The following CSMD3 variants were observed in gnomAD, a reference collection of about 807,000 sequenced individuals.
CSMD3 encodes the protein CUB and Sushi multiple domains 3, also known as CUB and sushi domain-containing protein 3.
A neutral mutation model predicts 435.2 loss-of-function variants in CSMD3; 177 were observed. That is an observed-to-expected ratio of 0.41 (90% confidence interval 0.36 to 0.46). The LOEUF (loss-of-function observed/expected upper bound fraction) is 0.46, where lower values mean the gene tolerates loss of function less well. CSMD3 is among the 20% of genes least tolerant of loss of function. The pLI is 0.34. For missense variants in CSMD3, 4,265 were observed against 4,504.6 expected (o/e 0.95, Z 1.52); for synonymous variants, 1,656 against 1,520.5 (o/e 1.09, Z -2.07).
chr8:112,299,412 T>C (rs1033234530), intron 53 of CSMD3, among the ~76,000 whole-genome samples: 1 of 152,146 alleles, frequency 6.6e-6, no homozygotes, highest in African/African-American at 2.4e-5. Context: ...ATGGTATGCA[T>C]GCTTAATATT....
chr8:112,892,350 A>C (rs1438929765), intron 10 of CSMD3, among the ~76,000 whole-genome samples: 3 of 151,694 alleles, frequency 2.0e-5, no homozygotes, highest in African/African-American at 7.2e-5. Flanking sequence ...TTTTAATTCC[A>C]ACTTTGCTAT....
Position 112,336,756 on chromosome 8 carries a change from G to C in CSMD3, c.6915C>G (p.Asn2305Lys), listed in dbSNP as rs1360197945. 4 of 1,613,004 alleles carry C rather than the reference G, an allele frequency of 2.5e-6. No individual in the cohort carries two copies. The African/African-American group carries it at 4.0e-5, about 16-fold the overall frequency. ...TTACAAGCCAAAAACAATCTTGAAA[G>C]TTTGGATATTCATCAGGATACCCAG... Reference protein sequence around the residue: ...YSPGYPDEYPNFQDCFWLVRV... With the variant: ...YSPGYPDEYPKFQDCFWLVRV... The change falls in exon 44 of 71, where the codon AAC becomes AAG. Residue 2305 changes from asparagine (N) to lysine (K), a missense_variant. By Grantham distance (94) the Asn-to-Lys change is moderately conservative. This residue lies in a region of CSMD3 where 3,255 missense variants were observed against 3,380.2 expected (regional missense o/e 0.96). Coordinates refer to ENST00000297405, the MANE Select transcript of CSMD3 (RefSeq NM_198123.2).
chr8:112,587,275 T>C (rs755030484), intron 22 of CSMD3, 40 bp from the exon 23 acceptor site: 52 of 1,424,790 alleles, frequency 3.6e-5, no homozygotes, highest in Middle Eastern at 3.8e-4. Flanking sequence ...GTTTAATAGA[T>C]AGCAGTATCA....
At position 113,215,536 on chromosome 8, in the gene CSMD3, A is replaced by C. The variant is rs182382960; in HGVS notation, c.515-41620T>G. The stretch of plus-strand genomic sequence containing the variant: ...TTATCTTCTAAATGGATATTCAACC[A>C]AAGGTAAAATAATTTCAGACAGACT... On this transcript the variant is annotated intron_variant, in intron 3 of 70. Transcript: ENST00000297405. 3.7e-3 allele frequency among the ~76,000 whole-genome samples: 565 copies of C among 152,024 alleles called. 2 individuals carry two copies. Among genetic ancestry groups the C allele is most frequent in the African/African-American group, 0.013 (542 of 41,564 alleles).
At chr8:112,581,239 G>A (rs1452214938) in intron 23 of CSMD3, among the ~76,000 whole-genome samples, 4 of 152,120 alleles carry the variant, frequency 2.6e-5, no homozygotes, top group African/African-American at 9.6e-5. Flanking sequence ...ATAATTGTGT[G>A]ACTATTAAGT....
At chr8:112,360,811 G>A (rs545837982) in intron 38 of CSMD3, among the ~76,000 whole-genome samples, 123 of 151,962 alleles carry the variant, frequency 8.1e-4, no homozygotes, top group Non-Finnish European at 1.4e-3. Flanking sequence ...ATTTGTGTTA[G>A]GGAAGAAAAT....
rs202014293 is a variant in CSMD3, at chr8:112,411,107, GA to G, written c.5396-2076del. 5.4e-3 allele frequency among the ~76,000 whole-genome samples: 685 copies of G among 126,368 alleles called. 6 individuals are homozygous for G. Among genetic ancestry groups the G allele is most frequent in the African/African-American group, 0.019 (661 of 34,864 alleles). 82.9% of individuals were successfully genotyped at this position (126,368 alleles called of 152,430 possible). ...TCCAAGAGCTTTTTCTGAGGAAAAAGAAAAAAAAATTCATCTTTTTTTTTTT... is the reference window on the plus strand; with the variant it reads ...TCCAAGAGCTTTTTCTGAGGAAAAAGAAAAAAAATTCATCTTTTTTTTTTT... On this transcript the variant is annotated intron_variant, in intron 32 of 70. Coordinates refer to ENST00000297405, the MANE Select transcript of CSMD3 (RefSeq NM_198123.2).
At chr8:112,276,539 C>T (rs1016769591) in intron 59 of CSMD3, among the ~76,000 whole-genome samples, 3 of 152,026 alleles carry the variant, frequency 2.0e-5, no homozygotes, top group African/African-American at 7.2e-5. Flanking sequence ...CATCACAGGC[C>T]TGGAAGTCTA....
At chr8:113,057,400 A>G (rs2088390224) in intron 5 of CSMD3, among the ~76,000 whole-genome samples, 1 of 152,152 alleles carries the variant, frequency 6.6e-6, no homozygotes. Flanking sequence ...GTATCAATTT[A>G]TCTTTAAGAA....
chr8:113,205,749 A>G lies in CSMD3; in HGVS notation c.515-31833T>C, dbSNP rs73346390. ...TCTATAACCTCCCTCCTGTAAGGAA[A>G]CACAGATGAAACAACTACATACATT... is the stretch of plus-strand genomic sequence containing the variant. On this transcript the variant is annotated intron_variant, in intron 3 of 70. Coordinates refer to ENST00000297405, the MANE Select transcript of CSMD3 (RefSeq NM_198123.2). Among the ~76,000 whole-genome samples, 439 of 152,324 alleles carry G rather than the reference A, an allele frequency of 2.9e-3. 2 individuals carry two copies. The highest frequency in any genetic ancestry group is 9.7e-3 in the African/African-American group (404 of 41,576).
At chr8:112,426,251 A>T (rs1813057891) in intron 32 of CSMD3, among the ~76,000 whole-genome samples, 2 of 152,066 alleles carry the variant, frequency 1.3e-5, no homozygotes, top group African/African-American at 4.8e-5. Context: ...GGGGGTGGGG[A>T]GTGAGGGTGA....
chr8:113,169,723 T>A (rs537930514), intron 4 of CSMD3, among the ~76,000 whole-genome samples: 1 of 152,268 alleles, frequency 6.6e-6, no homozygotes, highest in South Asian at 2.1e-4. Flanking sequence ...AAAATATAAT[T>A]ATGAATTTTG....
At position 112,535,341 on chromosome 8, in the gene CSMD3, G is replaced by A. The variant is rs554510327; in HGVS notation, c.4564+15330C>T. ...GGCAAAGTCTCAGGATACAAAATCA[G>A]TGTACAAAAATCACGAGCATTCTTA... is the stretch of plus-strand genomic sequence containing the variant. On this transcript the variant is annotated intron_variant, in intron 27 of 70. Coordinates refer to ENST00000297405, the MANE Select transcript of CSMD3 (RefSeq NM_198123.2). Among the ~76,000 whole-genome samples, 15 of 152,168 alleles carry A rather than the reference G, an allele frequency of 9.9e-5. No homozygotes were observed. In the South Asian group the frequency reaches 1.2e-3, roughly 13 times the overall value.
At chr8:113,062,576 CA>C (rs1198535449) in intron 5 of CSMD3, among the ~76,000 whole-genome samples, 21 of 151,876 alleles carry the variant, frequency 1.4e-4, no homozygotes, top group South Asian at 8.3e-4. Flanking sequence ...TATTAAAAAG[CA>C]GTTGAATAGG....
chr8:112,922,229 T>A (rs1470309222), intron 9 of CSMD3, among the ~76,000 whole-genome samples: 3 of 152,062 alleles, frequency 2.0e-5, no homozygotes, highest in East Asian at 1.9e-4. Flanking sequence ...AAAAATATTT[T>A]AAATTTTTGT....
intron 10 of CSMD3, among the ~76,000 whole-genome samples, chr8:112,876,553 A>G (rs2081287220): frequency 6.6e-6 from 1 of 152,166 alleles, no homozygotes; most frequent in African/African-American, 2.4e-5. Flanking sequence ...ACCATAATCC[A>G]TCACATAAAG....
At chr8:113,248,404 TAGAG>T (rs201132504) in intron 3 of CSMD3, among the ~76,000 whole-genome samples, 4,239 of 147,940 alleles carry the variant, frequency 0.029, 84 homozygotes, top group Admixed American at 0.04. Context: ...ATAGAGATTA[TAGAG>T]ATTCTATTAT....
At chr8:113,299,339 T>C (rs920129703) in intron 2 of CSMD3, among the ~76,000 whole-genome samples, 4 of 152,176 alleles carry the variant, frequency 2.6e-5, no homozygotes, top group Non-Finnish European at 5.9e-5. Context: ...GAAAAATATG[T>C]GTAGAATAGC....
rs79669218 is a variant in CSMD3, at chr8:113,169,826, T to C, written c.709+3896A>G. On this transcript the variant is annotated intron_variant, in intron 4 of 70. Transcript: ENST00000297405. ...TAAGAAGGATTCTAAAGCTACATCA[T>C]GTGCCCCAGGTATTCTCATTCAAGA... is the stretch of plus-strand genomic sequence containing the variant. Among the ~76,000 whole-genome samples the C allele has an allele frequency of 4.6e-5, 7 of 152,300 alleles. No homozygotes were observed. In the East Asian group the frequency reaches 1.4e-3, roughly 29 times the overall value.
Sources: allele counts gnomAD v4.1 joint callset (sites outside exome capture counted in the v4.1 genomes callset), GRCh38; gene constraint gnomAD v4.1.1; regional missense constraint gnomAD v4.1.1; transcripts MANE v1.5; gene names NCBI Gene and HGNC (gene_info 2026-07-23, HGNC 2026-07-21).